The following RAB39A variants were observed in gnomAD, a reference collection of about 807,000 sequenced individuals.
RAB39A encodes the protein ras-related protein Rab-39A.
RAB39A carries 17 observed loss-of-function variants against 20.9 expected under a neutral mutation model. The observed-to-expected ratio is 0.81, with a 90% CI of 0.56 to 1.22. The LOEUF is 1.22. Ranked by LOEUF, RAB39A falls within the 50% of genes most tolerant of loss-of-function variation. The pLI, the probability that RAB39A is intolerant of heterozygous loss-of-function variation, is 0.00. For missense variants in RAB39A, 234 were observed against 270.5 expected, an observed-to-expected ratio of 0.87 and a Z score of 0.95; for synonymous variants, 99 against 103.4, an observed-to-expected ratio of 0.96 and a Z score of 0.26.
Position 107,928,867 on chromosome 11 carries a change from C to T in RAB39A, c.227+72C>T. ...CCCGGACGCCCCTTCCCCAGGCGTCCGCCCCGCCGGCCCTGGTCGGGAGAG... is the reference window on the plus strand; with the variant it reads ...CCCGGACGCCCCTTCCCCAGGCGTCTGCCCCGCCGGCCCTGGTCGGGAGAG... On this transcript the variant is annotated intron_variant, in intron 1 of 1. Transcript: ENST00000320578. This position sits in a 1 kb window ranked among gnomAD's most constrained non-coding sequence, Gnocchi z 4.9. The T allele has an allele frequency of 7.8e-7, 1 of 1,286,134 alleles. No individual in the cohort carries two copies. The highest frequency in any genetic ancestry group is 1.1e-6 in the Non-Finnish European group (1 of 950,384). 79.7% of individuals were successfully genotyped at this position (1,286,134 alleles called of 1,614,324 possible).
chr11:107,961,890 G>A (rs923028810), intron 1 of RAB39A, 56 bp from the exon 2 acceptor site: 14 of 1,330,138 alleles, frequency 1.1e-5, no homozygotes, highest in Admixed American at 4.1e-5. Context: ...ATTGTTGGAA[G>A]GAGAAGAAAA....
At chr11:107,947,262 C>T (rs934638004) in intron 1 of RAB39A, among the ~76,000 whole-genome samples, 91 of 152,048 alleles carry the variant, frequency 6.0e-4, no homozygotes, top group African/African-American at 2.0e-3. Context: ...CCACCACGCC[C>T]GGCTAATTTT....
rs73553029 is a variant in RAB39A at position 107,942,398 on chromosome 11, A to G, written c.227+13603A>G. Among the ~76,000 whole-genome samples, 986 of 152,152 alleles carry G rather than the reference A, an allele frequency of 6.5e-3. 10 individuals are homozygous for G. The highest frequency in any genetic ancestry group is 0.023 in the African/African-American group (939 of 41,498). On this transcript the variant is annotated intron_variant, in intron 1 of 1. Coordinates refer to ENST00000320578, the MANE Select transcript of RAB39A (RefSeq NM_017516.3). ...GACAATCTAAAACAACAGTCTCTTG[A>G]TTTATTTGTTTTTTGAGATGGGGTC...
At chr11:107,932,930 C>T (rs1046849680) in intron 1 of RAB39A, among the ~76,000 whole-genome samples, 1 of 151,994 alleles carries the variant, frequency 6.6e-6, no homozygotes, top group Non-Finnish European at 1.5e-5. Context: ...GGGCTGGTCT[C>T]GAGCTCCTGG....
At chr11:107,956,117 A>G (rs529646658) in intron 1 of RAB39A, among the ~76,000 whole-genome samples, 1 of 152,218 alleles carries the variant, frequency 6.6e-6, no homozygotes, top group African/African-American at 2.4e-5. Flanking sequence ...CAATGACCTC[A>G]GTGTGAGAAC....
intron 1 of RAB39A, among the ~76,000 whole-genome samples, chr11:107,955,173 A>G (rs1292879907): frequency 6.6e-6 from 1 of 151,246 alleles, no homozygotes; most frequent in Non-Finnish European, 1.5e-5. Flanking sequence ...ATTTTTTTGT[A>G]TTTTTAGTAG....
At chr11:107,942,584 A>G (rs1861270568) in intron 1 of RAB39A, among the ~76,000 whole-genome samples, 2 of 152,118 alleles carry the variant, frequency 1.3e-5, no homozygotes, top group African/African-American at 2.4e-5. Flanking sequence ...TCAGCCTTCC[A>G]AAGTGCTGCG....
rs138488479 is a variant in RAB39A, at chr11:107,939,243, C to CAAA, written c.227+10466_227+10468dup. Among the ~76,000 whole-genome samples, 193 of 68,456 alleles carry CAAA rather than the reference C, an allele frequency of 2.8e-3. 3 individuals are homozygous for CAAA. The highest frequency in any genetic ancestry group is 0.011 in the East Asian group (22 of 2,044). 44.9% of individuals were successfully genotyped at this position (68,456 alleles called of 152,430 possible). ...TGGGCGGCAAAGCGAGACTCTGTCT[C>CAAA]AAAAAAAAAAAAAAAAAAAAGAGAG... On this transcript the variant is annotated intron_variant, in intron 1 of 1. Transcript: ENST00000320578.
At chr11:107,947,981 TACACACAC>T (rs58579239) in intron 1 of RAB39A, among the ~76,000 whole-genome samples, 12 of 148,668 alleles carry the variant, frequency 8.1e-5, no homozygotes, top group African/African-American at 2.5e-4. Context: ...TACACACACG[TACACACAC>T]ACACACACAC....
At chr11:107,956,266 A>G (rs547658531) in intron 1 of RAB39A, among the ~76,000 whole-genome samples, 8 of 152,338 alleles carry the variant, frequency 5.3e-5, no homozygotes, top group African/African-American at 1.9e-4. Context: ...GCTTAGACCA[A>G]ATCAACCATT....
chr11:107,940,827 T>C (rs913435977), intron 1 of RAB39A, among the ~76,000 whole-genome samples: 1 of 151,828 alleles, frequency 6.6e-6, no homozygotes, highest in Admixed American at 6.6e-5. Context: ...AAAAATTAGC[T>C]GGGTGTGGTG....
intron 1 of RAB39A, among the ~76,000 whole-genome samples, chr11:107,946,489 T>G (rs1861320028): frequency 1.0e-5 from 1 of 96,220 alleles, no homozygotes; most frequent in African/African-American, 3.7e-5. Flanking sequence ...TTTTTTTTTT[T>G]TGAGACAGAG....
At chr11:107,937,331 G>A (rs926386301) in intron 1 of RAB39A, among the ~76,000 whole-genome samples, 2 of 151,876 alleles carry the variant, frequency 1.3e-5, no homozygotes, top group African/African-American at 4.8e-5. Context: ...GTAGAGACAG[G>A]GTCTCGCTGT....
chr11:107,929,423 C>T (rs1204472217), intron 1 of RAB39A, among the ~76,000 whole-genome samples: 2 of 152,078 alleles, frequency 1.3e-5, no homozygotes, highest in African/African-American at 4.8e-5. Context: ...TGGGTCATGA[C>T]CCGTGGGAAT....
At chr11:107,938,060 A>C (rs530788132) in intron 1 of RAB39A, among the ~76,000 whole-genome samples, 2 of 152,090 alleles carry the variant, frequency 1.3e-5, no homozygotes, top group East Asian at 1.9e-4. Context: ...TTGAGAGTAA[A>C]ATGGTATATA....
At chr11:107,953,328 A>G (rs182040770) in intron 1 of RAB39A, among the ~76,000 whole-genome samples, 127 of 152,352 alleles carry the variant, frequency 8.3e-4, no homozygotes, top group Middle Eastern at 3.4e-3. Flanking sequence ...TGCCTGCAAC[A>G]AAACCAGCTT....
chr11:107,942,098 CAAAAAAAAAAA>C (rs10537482), intron 1 of RAB39A, among the ~76,000 whole-genome samples: 5 of 83,754 alleles, frequency 6.0e-5, no homozygotes, highest in African/African-American at 2.5e-4. Flanking sequence ...GATTCCATCT[CAAAAAAAAAAA>C]AAAAAAAAAA....
intron 1 of RAB39A, among the ~76,000 whole-genome samples, chr11:107,950,439 C>T (rs368525822): frequency 5.3e-5 from 8 of 152,096 alleles, no homozygotes; most frequent in African/African-American, 1.9e-4. Flanking sequence ...CATGCATGCC[C>T]AGTGCAGTTT....
At chr11:107,946,110 A>C (rs1279886571) in intron 1 of RAB39A, among the ~76,000 whole-genome samples, 1 of 151,902 alleles carries the variant, frequency 6.6e-6, no homozygotes, top group East Asian at 1.9e-4. Flanking sequence ...TCTTCATGAA[A>C]GATTTCAAGA....
Sources: allele counts gnomAD v4.1 joint callset (sites outside exome capture counted in the v4.1 genomes callset), GRCh38; gene constraint gnomAD v4.1.1; non-coding constraint Gnocchi (gnomAD v3.1); transcripts MANE v1.5; gene names NCBI Gene and HGNC (gene_info 2026-07-23, HGNC 2026-07-21).